Variants in PAPPA observed in about 807,000 individuals in gnomAD.
PAPPA encodes the protein pappalysin-1.
Under a neutral mutation model 164.0 loss-of-function variants are expected in PAPPA, and 60 were observed. The ratio of observed to expected loss-of-function variants is 0.37; its 90% confidence interval spans 0.30 to 0.45. The LOEUF (loss-of-function observed/expected upper bound fraction) is 0.45. Among genes scored for constraint, PAPPA ranks in the 20% least tolerant of loss-of-function variants. The pLI is 1.00. For missense variants in PAPPA, 1,782 were observed against 2,087.3 expected (o/e 0.85, Z 2.85); for synonymous variants, 875 against 814.1 (o/e 1.07, Z -1.27).
At chr9:116,305,176 C>CACACACACACAT (rs1554750322) in intron 10 of PAPPA, among the ~76,000 whole-genome samples, 18 of 149,382 alleles carry the variant, frequency 1.2e-4, no homozygotes, top group Non-Finnish European at 2.4e-4. Flanking sequence ...CACACACACA[C>CACACACACACAT]GGAGTCTGCA....
intron 2 of PAPPA, 39 bp from the exon 3 acceptor site, chr9:116,207,416 TG>T: frequency 6.3e-7 from 1 of 1,575,080 alleles, no homozygotes. Flanking sequence ...GTTATCTTTT[TG>T]GGGGCATGAT....
chr9:116,197,797 G>A (rs529902850), intron 2 of PAPPA, among the ~76,000 whole-genome samples: 2 of 152,278 alleles, frequency 1.3e-5, no homozygotes, highest in South Asian at 4.1e-4. Flanking sequence ...CTAAGGTTAG[G>A]TGATTTGTAT....
chr9:116,174,584 G>T (rs1043584373), intron 1 of PAPPA, among the ~76,000 whole-genome samples: 1 of 152,118 alleles, frequency 6.6e-6, no homozygotes, highest in Admixed American at 6.5e-5. Context: ...GTCCAAAGAT[G>T]AAAACAAGGC....
intron 1 of PAPPA, among the ~76,000 whole-genome samples, chr9:116,170,173 A>T (rs1277886998): frequency 2.0e-5 from 3 of 152,036 alleles, no homozygotes; most frequent in African/African-American, 4.8e-5. Context: ...ATGCTGAAAA[A>T]CTGGGGGCAT....
At chr9:116,377,743 C>A in intron 20 of PAPPA, 96 bp downstream of exon 20, 1 of 880,706 alleles carries the variant, frequency 1.1e-6, no homozygotes, top group South Asian at 1.5e-5. Context: ...TTTGCCATAC[C>A]TACTGAGTGT....
intron 2 of PAPPA, among the ~76,000 whole-genome samples, chr9:116,193,049 T>C (rs748225120): frequency 2.0e-5 from 3 of 152,214 alleles, no homozygotes; most frequent in Non-Finnish European, 4.4e-5. Context: ...ACACTTTCCC[T>C]ATACACTGTT....
rs115274080 is a variant in PAPPA, at chr9:116,236,042, G to A, written c.2732+405G>A. 4.4e-3 allele frequency among the ~76,000 whole-genome samples: 675 copies of A among 152,188 alleles called. 4 individuals carry two copies. The highest frequency in any genetic ancestry group is 0.015 in the African/African-American group (640 of 41,526). On this transcript the variant is annotated intron_variant, in intron 7 of 21. Transcript: ENST00000328252. ...TGAAGACAATTTATGCATTTTGATT[G>A]CTTTTTCAGTGGGTGAATCGGGGGT...
At chr9:116,321,352 G>A (rs570023964) in intron 10 of PAPPA, among the ~76,000 whole-genome samples, 3 of 152,270 alleles carry the variant, frequency 2.0e-5, no homozygotes, top group East Asian at 3.9e-4. Flanking sequence ...ATCTAAGCTG[G>A]ACCTTCCTCT....
intron 13 of PAPPA, among the ~76,000 whole-genome samples, chr9:116,336,105 C>T (rs575832447): frequency 7.9e-5 from 12 of 152,208 alleles, no homozygotes; most frequent in East Asian, 5.8e-4. Context: ...GAAGAACTTG[C>T]GCAGAGTTGC....
In PAPPA at chr9:116,302,966, T is replaced by C. The variant is rs1466374326; in HGVS notation, c.3147+16T>C. On this transcript the variant is annotated intron_variant, in intron 10 of 21. Transcript: ENST00000328252. ...AGCATCCCAGGTAAGATCCTAACCA[T>C]GTGTGGCATTTCCTGCAGACATTCA... The C allele has an allele frequency of 6.2e-7, 1 of 1,609,334 alleles. No individual in the cohort carries two copies. Among genetic ancestry groups the C allele is most frequent in the South Asian group, 1.1e-5 (1 of 90,752 alleles).
intron 10 of PAPPA, among the ~76,000 whole-genome samples, chr9:116,309,252 T>G (rs1307703447): frequency 1.3e-5 from 2 of 152,022 alleles, no homozygotes; most frequent in Non-Finnish European, 2.9e-5. Flanking sequence ...ATTTTTGTAT[T>G]TTTAGTAGAG....
At chr9:116,200,114 G>A (rs1327334955) in intron 2 of PAPPA, among the ~76,000 whole-genome samples, 1 of 152,112 alleles carries the variant, frequency 6.6e-6, no homozygotes, top group Non-Finnish European at 1.5e-5. Flanking sequence ...AGCCATTGCT[G>A]TCCCCTCCAG....
rs1425505591 is a variant in PAPPA, at chr9:116,174,505, C to T, written c.416-12649C>T. 2.0e-5 allele frequency among the ~76,000 whole-genome samples: 3 copies of T among 152,134 alleles called. No homozygotes were observed. In the East Asian group the frequency reaches 5.8e-4, roughly 29 times the overall value. ...TGGGAATCTTCCCCATTCCTCTTGG[C>T]TCCTTAGAATGGGTACAGGTGTTCA... On this transcript the variant is annotated intron_variant, in intron 1 of 21. Transcript: ENST00000328252.
At chr9:116,384,770 A>G (rs1384129990) in intron 21 of PAPPA, among the ~76,000 whole-genome samples, 1 of 152,030 alleles carries the variant, frequency 6.6e-6, no homozygotes, top group African/African-American at 2.4e-5. Context: ...AGTGAACAAT[A>G]TTATCTATTT....
intron 9 of PAPPA, among the ~76,000 whole-genome samples, chr9:116,295,553 C>CAAAAA (rs56171405): frequency 6.1e-5 from 7 of 114,688 alleles, no homozygotes; most frequent in East Asian, 2.4e-4. Flanking sequence ...GACTCGGTCT[C>CAAAAA]AAAAAAAAAA....
chr9:116,186,484 C>T (rs1025605517), intron 1 of PAPPA, among the ~76,000 whole-genome samples: 1 of 152,052 alleles, frequency 6.6e-6, no homozygotes, highest in African/African-American at 2.4e-5. Flanking sequence ...TGTTTTCTTT[C>T]TTTGGGGATA....
intron 3 of PAPPA, among the ~76,000 whole-genome samples, chr9:116,208,879 T>G (rs1256908390): frequency 2.6e-5 from 4 of 152,176 alleles, no homozygotes; most frequent in Non-Finnish European, 4.4e-5. Flanking sequence ...TAAATAAAGA[T>G]AGATACAAAG....
chr9:116,226,279 A>C (rs1255475966), intron 5 of PAPPA, among the ~76,000 whole-genome samples: 1 of 152,120 alleles, frequency 6.6e-6, no homozygotes, highest in African/African-American at 2.4e-5. Flanking sequence ...TTTGGGGATG[A>C]TCTACTGTCC....
At chr9:116,158,086 A>T (rs2118970029) in intron 1 of PAPPA, among the ~76,000 whole-genome samples, 1 of 152,230 alleles carries the variant, frequency 6.6e-6, no homozygotes, top group South Asian at 2.1e-4. Context: ...GTGATTCGGA[A>T]TTCCTGCTCA....
Sources: allele counts gnomAD v4.1 joint callset (sites outside exome capture counted in the v4.1 genomes callset), GRCh38; gene constraint gnomAD v4.1.1; transcripts MANE v1.5; gene names NCBI Gene and HGNC (gene_info 2026-07-23, HGNC 2026-07-21).